ZMYM6: variants seen among roughly 807,000 people sequenced by gnomAD.
ZMYM6 encodes the protein zinc finger MYM-type protein 6.
ZMYM6 carries 90 observed loss-of-function variants against 134.0 expected under a neutral mutation model. The observed-to-expected ratio is 0.67, with a 90% CI of 0.57 to 0.80. The LOEUF (loss-of-function observed/expected upper bound fraction) is 0.80, where lower values mean the gene tolerates loss of function less well. Among genes scored for constraint, ZMYM6 ranks in the 30% least tolerant of loss-of-function variants. The pLI, the probability that ZMYM6 is intolerant of heterozygous loss-of-function variation, is 0.00. For synonymous variants in ZMYM6, 481 were observed against 524.1 expected, an observed-to-expected ratio of 0.92 and a Z score of 1.12; for missense variants, 1,362 against 1,533.9, an observed-to-expected ratio of 0.89 and a Z score of 1.87.
chr1:34,994,826 C>G (rs1640746550), intron 14 of ZMYM6, among the ~76,000 whole-genome samples: 1 of 151,308 alleles, frequency 6.6e-6, no homozygotes, highest in Admixed American at 6.6e-5. Flanking sequence ...GTTGTTCCCC[C>G]TTATCTGCCG....
intron 2 of ZMYM6, 144 bp downstream of exon 2, chr1:35,030,403 A>T: frequency 1.4e-6 from 1 of 722,200 alleles, no homozygotes; most frequent in Non-Finnish European, 2.2e-6. Flanking sequence ...CCACTGCACT[A>T]CACCCTCAGC....
intron 4 of ZMYM6, chr1:35,017,817 G>A (rs1034714735): frequency 1.3e-5 from 2 of 152,136 alleles, no homozygotes; most frequent in Non-Finnish European, 2.9e-5. Context: ...ATGCTAAAAA[G>A]TCACTGACGG....
At chr1:34,991,426 A>G (rs1396452160) in intron 15 of ZMYM6, among the ~76,000 whole-genome samples, 1 of 152,212 alleles carries the variant, frequency 6.6e-6, no homozygotes, top group East Asian at 1.9e-4. Context: ...ACTTGTTGAC[A>G]GACTAAGCTT....
Position 34,987,272 on chromosome 1 carries a change from C to A in ZMYM6, c.3810G>T (p.Arg1270Ser), listed in dbSNP as rs183418024. The A allele has an allele frequency of 1.2e-6, 2 of 1,612,932 alleles. No homozygotes were observed. The highest frequency in any genetic ancestry group is 1.7e-6 in the Non-Finnish European group (2 of 1,179,594). Residue 1270 changes from arginine (R) to serine (S), a missense_variant, in exon 16 of 16, where the codon AGG becomes AGT. Transcript: ENST00000357182. ...AKTSYPELHE[R>S]AMKFLLPFST... Reference sequence around the variant, plus strand: ...AAAAGGGTAATAAAAATTTCATTGCCCTTTCATGGAGTTCTGGGTAACTTG... The same window carrying A: ...AAAAGGGTAATAAAAATTTCATTGCACTTTCATGGAGTTCTGGGTAACTTG...
At chr1:35,004,885 C>T (rs944507709) in intron 13 of ZMYM6, among the ~76,000 whole-genome samples, 1 of 151,890 alleles carries the variant, frequency 6.6e-6, no homozygotes, top group Non-Finnish European at 1.5e-5. Context: ...CGGTGAAATC[C>T]CGTCTCTACT....
Position 34,987,700 on chromosome 1 carries a change from A to C in ZMYM6, c.3382T>G (p.Leu1128Val). The change falls in exon 16 of 16, where the codon TTA becomes GTA. Residue 1128 changes from leucine (L) to valine (V), a missense_variant. Physicochemically the swap from Leu to Val is conservative, Grantham distance 32. Coordinates refer to ENST00000357182, the MANE Select transcript of ZMYM6 (RefSeq NM_007167.4). ...GTAGTCAAAGTTCCTTGGAGACTTA[A>C]ATTTAATTCATTTATAAGTGAAAAT... is the stretch of plus-strand genomic sequence containing the variant. Reference protein sequence around the residue: ...DIFSLINELNLSLQGTLTTFF... With the variant: ...DIFSLINELNVSLQGTLTTFF... 1 of 1,550,574 alleles carries C rather than the reference A, an allele frequency of 6.4e-7. No homozygotes were observed. Among genetic ancestry groups the C allele is most frequent in the Non-Finnish European group, 8.7e-7 (1 of 1,146,702 alleles).
chr1:35,003,662 T>G (rs1181995633), intron 14 of ZMYM6, among the ~76,000 whole-genome samples: 1 of 152,224 alleles, frequency 6.6e-6, no homozygotes. Flanking sequence ...ACTAATGATC[T>G]AAGATTAAAC....
chr1:35,012,061 CA>C (rs1314446737), intron 7 of ZMYM6, 56 bp from the exon 8 acceptor site: 7 of 1,100,652 alleles, frequency 6.4e-6, no homozygotes, highest in Non-Finnish European at 9.2e-6. Context: ...ACAAACAATA[CA>C]AAAATGTATT....
At chr1:34,998,589 T>C (rs1640828273) in intron 14 of ZMYM6, among the ~76,000 whole-genome samples, 1 of 151,954 alleles carries the variant, frequency 6.6e-6, no homozygotes, top group Non-Finnish European at 1.5e-5. Flanking sequence ...AAAAGAATGA[T>C]GATGCTCAGA....
intron 1 of ZMYM6, 193 bp from the exon 2 acceptor site, chr1:35,030,906 C>G: frequency 2.1e-6 from 1 of 468,668 alleles, no homozygotes; most frequent in South Asian, 3.1e-5. Flanking sequence ...TTTGGGGCAA[C>G]AGCTCCCACT....
Position 35,008,632 on chromosome 1 carries a change from A to AT in ZMYM6, c.1665+119dup, listed in dbSNP as rs544547276. 105 of 962,572 alleles carry AT rather than the reference A, an allele frequency of 1.1e-4. 1 individual carries two copies. The East Asian group carries it at 2.2e-3, about 20-fold the overall frequency. The allele number at this position is 962,572 out of a possible 1,614,324, so 59.6% of individuals were successfully genotyped here. A position where few individuals can be genotyped will look rare whatever the true frequency, so the allele number is the denominator to read the frequency against. The stretch of plus-strand genomic sequence containing the variant: ...CAATTGAATTTTTCTATTATAGCCC[A>AT]TAACTTATTTTATCCAGTGCTAAAC... On this transcript the variant is annotated intron_variant, in intron 11 of 15. Transcript: ENST00000357182.
At position 34,987,741 on chromosome 1, in the gene ZMYM6, G is replaced by A. The variant is rs1295015331; in HGVS notation, c.3341C>T (p.Ala1114Val). The A allele has an allele frequency of 6.4e-7, 1 of 1,551,368 alleles. No individual in the cohort carries two copies. The highest frequency in any genetic ancestry group is 1.2e-5 in the South Asian group (1 of 83,994). Residue 1114 changes from alanine to valine, a missense_variant, in exon 16 of 16, where the codon GCC (alanine) becomes GTC (valine). By Grantham distance (64) the Ala-to-Val change is moderately conservative. Transcript: ENST00000357182. ...FHDEEWVGKL[A>V]YLSDIFSLIN... ...AAGTGAAAATATATCTGATAAGTAG[G>A]CCAGCTTTCCAACCCATTCCTCATC...
At chr1:35,015,966 G>C (rs1422112288) in intron 4 of ZMYM6, among the ~76,000 whole-genome samples, 1 of 102,330 alleles carries the variant, frequency 9.8e-6, no homozygotes, top group South Asian at 3.2e-4. Flanking sequence ...TTTTTTTTGT[G>C]AGACGGAGTC....
rs1331908320 is a variant in ZMYM6 at position 35,010,928 on chromosome 1, C to T, written c.1171G>A (p.Gly391Ser). 5.0e-6 allele frequency: 8 copies of T among 1,612,778 alleles called. No individual in the cohort carries two copies. The East Asian group carries it at 1.6e-4, about 31-fold the overall frequency. Residue 391 changes from glycine (G) to serine (S), a missense_variant, in exon 9 of 16, where the codon GGT becomes AGT. Gly to Ser is a moderately conservative substitution (Grantham distance 56). Coordinates refer to ENST00000357182, the MANE Select transcript of ZMYM6 (RefSeq NM_007167.4). ...CTGGGGGAAACGGCAGAGGTGTTAC[C>T]TCCTCCTATTGACACTGCTGACCTG... ...SSRSAVSIGGGNTSAVSPSSI... is the reference protein window; with the variant it reads ...SSRSAVSIGGSNTSAVSPSSI...
rs1003841199 is a variant in ZMYM6, at chr1:35,015,306, G to A, written c.429-144C>T. The A allele has an allele frequency of 7.1e-6, 5 of 704,698 alleles. No homozygotes were observed. The African/African-American group carries it at 7.2e-5, about 10-fold the overall frequency. The allele number at this position is 704,698 out of a possible 1,614,324, so 43.7% of individuals were successfully genotyped here. A position where few individuals can be genotyped will look rare whatever the true frequency, so the allele number is the denominator to read the frequency against. Reference sequence around the variant, plus strand: ...AGGAATCTGCAAACCTGGGTTTGATGAGTTCTGCTATTTATCAGGTGAGTG... The same window carrying A: ...AGGAATCTGCAAACCTGGGTTTGATAAGTTCTGCTATTTATCAGGTGAGTG... On this transcript the variant is annotated intron_variant, in intron 4 of 15. Coordinates refer to ENST00000357182, the MANE Select transcript of ZMYM6 (RefSeq NM_007167.4).
chr1:35,014,911 C>T, intron 5 of ZMYM6, 23 bp from the exon 6 acceptor site: 1 of 1,612,458 alleles, frequency 6.2e-7, no homozygotes, highest in Non-Finnish European at 8.5e-7. Flanking sequence ...CACACACATA[C>T]ACACACAAAA....
chr1:35,019,560 G>A lies in ZMYM6; in HGVS notation c.221C>T (p.Ser74Phe). The A allele has an allele frequency of 6.2e-7, 1 of 1,607,804 alleles. No homozygotes were observed. Among genetic ancestry groups the A allele is most frequent in the Non-Finnish European group, 8.5e-7 (1 of 1,178,642 alleles). The change falls in exon 4 of 16, where the codon TCT becomes TTT. Residue 74 changes from serine to phenylalanine, a missense_variant. Coordinates refer to ENST00000357182, the MANE Select transcript of ZMYM6 (RefSeq NM_007167.4). The stretch of plus-strand genomic sequence containing the variant: ...TGAAGGAAGCAACACACTTGGGCCA[G>A]ATGATGCAAAAGAAAGCTGAAAGCC... ...NPGFQLSFAS[S>F]GPSVLLPSVP...
Position 34,987,141 on chromosome 1 carries a change from A to T in ZMYM6, c.3941T>A (p.Ile1314Asn). 2 of 1,579,728 alleles carry T rather than the reference A, an allele frequency of 1.3e-6. No individual in the cohort carries two copies. Among genetic ancestry groups the T allele is most frequent in the Admixed American group, 1.9e-5 (1 of 51,674 alleles). ...CTTCACTAATTTTTCTATCCTTGGA[A>T]TTAAAGATGTGACTGCAAGTCTTAG... is the stretch of plus-strand genomic sequence containing the variant. Reference protein sequence around the residue: ...PALRLAVTSLIPRIEKLVKEK... With the variant: ...PALRLAVTSLNPRIEKLVKEK... The change falls in exon 16 of 16, where the codon ATT becomes AAT. Residue 1314 changes from isoleucine (I) to asparagine (N), a missense_variant. By Grantham distance (149) the Ile-to-Asn change is moderately radical. Around this residue, in one of 3 missense-constraint regions of ZMYM6, gnomAD observed 824 missense variants for 940.9 expected, o/e 0.88. Transcript: ENST00000357182.
chr1:35,007,142 T>C, intron 11 of ZMYM6, 44 bp from the exon 12 acceptor site: 1 of 1,540,400 alleles, frequency 6.5e-7, no homozygotes, highest in Non-Finnish European at 8.7e-7. Flanking sequence ...AACTATAAAA[T>C]AATGAAAAGA....
Sources: gnomAD v4.1 joint callset for allele counts (sites outside exome capture counted in the v4.1 genomes callset) on GRCh38, gnomAD v4.1.1 for gene constraint, gnomAD v4.1.1 regional missense constraint, MANE v1.5 for transcripts, NCBI Gene and HGNC (gene_info 2026-07-23, HGNC 2026-07-21) for gene names.